Variants in LRP6 observed in about 807,000 individuals in gnomAD.
LRP6 encodes the protein low-density lipoprotein receptor-related protein 6.
In LRP6, 43 loss-of-function variants were observed where a neutral mutation model predicts 184.1. That is an observed-to-expected ratio of 0.23 (90% CI 0.18 to 0.30). LRP6 has a LOEUF of 0.30. Ranked by LOEUF, LRP6 falls within the 10% of genes least tolerant of loss-of-function variation. The probability of loss-of-function intolerance (pLI) is 1.00; values close to 1 mark genes in which losing one functional copy is unlikely to be tolerated. For missense variants in LRP6, 1,571 were observed against 2,005.3 expected (o/e 0.78, Z 4.14); for synonymous variants, 719 against 684.9 (o/e 1.05, Z -0.78).
intron 15 of LRP6, among the ~76,000 whole-genome samples, chr12:12,142,754 G>T (rs886314975): frequency 7.2e-5 from 11 of 151,812 alleles, no homozygotes; most frequent in African/African-American, 1.5e-4. Context: ...ATAAAAAAAA[G>T]AATAATATAT....
chr12:12,232,927 AT>A (rs1864829906), intron 2 of LRP6, among the ~76,000 whole-genome samples: 1 of 152,208 alleles, frequency 6.6e-6, no homozygotes, highest in Non-Finnish European at 1.5e-5. Flanking sequence ...CAAAAACCAA[AT>A]ATTATAACAA....
rs563865505 is a variant in LRP6 at position 12,186,139 on chromosome 12, G to A, written c.844+784C>T. On this transcript the variant is annotated intron_variant, in intron 4 of 22. Coordinates refer to ENST00000261349, the MANE Select transcript of LRP6 (RefSeq NM_002336.3). ...TGGGATTACAGGCATGAGCCACCGC[G>A]CCTGGCCCAAGAGTTTGTTTTTTAA... is the stretch of plus-strand genomic sequence containing the variant. Among the ~76,000 whole-genome samples the A allele has an allele frequency of 3.9e-4, 60 of 152,122 alleles. No individual in the cohort carries two copies. The South Asian group carries it at 0.012, about 30-fold the overall frequency.
At chr12:12,224,496 C>G (rs1864564947) in intron 2 of LRP6, among the ~76,000 whole-genome samples, 1 of 151,914 alleles carries the variant, frequency 6.6e-6, no homozygotes, top group Non-Finnish European at 1.5e-5. Context: ...GTTGTCTGCT[C>G]ATGATTAGGC....
chr12:12,227,736 G>C (rs1864667726), intron 2 of LRP6, among the ~76,000 whole-genome samples: 1 of 152,056 alleles, frequency 6.6e-6, no homozygotes, highest in Non-Finnish European at 1.5e-5. Context: ...GAGCTAACAG[G>C]TAACAGTTTG....
chr12:12,215,396 T>C (rs796927118), intron 2 of LRP6, among the ~76,000 whole-genome samples: 13 of 152,256 alleles, frequency 8.5e-5, no homozygotes, highest in African/African-American at 2.9e-4. Flanking sequence ...ACTAATGGCC[T>C]TAATCAGTAA....
At chr12:12,169,643 G>A (rs188120798) in intron 7 of LRP6, among the ~76,000 whole-genome samples, 3 of 152,274 alleles carry the variant, frequency 2.0e-5, no homozygotes, top group African/African-American at 7.2e-5. Flanking sequence ...GCACAGTGGC[G>A]AAGAACTCAA....
intron 5 of LRP6, among the ~76,000 whole-genome samples, chr12:12,183,591 T>C (rs543281960): frequency 2.6e-5 from 4 of 152,354 alleles, no homozygotes; most frequent in African/African-American, 7.2e-5. Flanking sequence ...CATGATATTC[T>C]TTGTAGCTAA....
chr12:12,152,949 C>T (rs947702775), intron 12 of LRP6, among the ~76,000 whole-genome samples: 1 of 152,294 alleles, frequency 6.6e-6, no homozygotes, highest in South Asian at 2.1e-4. Context: ...TAGTTAAAAA[C>T]CCACACTCAG....
Position 12,162,289 on chromosome 12 carries a change from C to T in LRP6, c.2183G>A (p.Arg728Gln). Reference sequence around the variant, plus strand: ...CCCATCCAACTTTGACACCTCAATTCGATTCGTTCCTGTGTCTGCCCAGTA... The same window carrying T: ...CCCATCCAACTTTGACACCTCAATTTGATTCGTTCCTGTGTCTGCCCAGTA... ...NLYWADTGTN[R>Q]IEVSKLDGQH... The change falls in exon 10 of 23, where the codon CGA (arginine) becomes CAA (glutamine). Residue 728 changes from arginine (R) to glutamine (Q), a missense_variant. This residue lies in a region of LRP6 where 158 missense variants were observed against 258.4 expected (regional missense o/e 0.61). Transcript: ENST00000261349. 1.2e-6 allele frequency: 2 copies of T among 1,614,156 alleles called. No homozygotes were observed. The highest frequency in any genetic ancestry group is 1.7e-5 in the Admixed American group (1 of 60,024).
chr12:12,165,268 G>T lies in LRP6; in HGVS notation c.1573C>A (p.Arg525=). 6.2e-7 allele frequency: 1 copy of T among 1,613,354 alleles called. No individual in the cohort carries two copies. The highest frequency in any genetic ancestry group is 8.5e-7 in the Non-Finnish European group (1 of 1,179,436). Residue 525 remains arginine, a synonymous_variant, in exon 8 of 23, where the codon CGA becomes AGA. Coordinates refer to ENST00000261349, the MANE Select transcript of LRP6 (RefSeq NM_002336.3). ...EVMNTDGTGR[R]VLVEDKIPHI... is the part of the protein sequence containing the mutation. Reference sequence around the variant, plus strand: ...GGAATTTTGTCTTCCACTAGTACTCGTCTCCCAGTGCCATCAGTATTCATA... The same window carrying T: ...GGAATTTTGTCTTCCACTAGTACTCTTCTCCCAGTGCCATCAGTATTCATA...
At chr12:12,129,904 C>G (rs898257452) in intron 19 of LRP6, among the ~76,000 whole-genome samples, 4 of 152,136 alleles carry the variant, frequency 2.6e-5, no homozygotes, top group Non-Finnish European at 5.9e-5. Flanking sequence ...TCAAGTCCAT[C>G]TTTGTCCCTA....
rs916767348 is a variant in LRP6 at position 12,191,953 on chromosome 12, T to C, written c.648-4834A>G. On this transcript the variant is annotated intron_variant, in intron 3 of 22. Coordinates refer to ENST00000261349, the MANE Select transcript of LRP6 (RefSeq NM_002336.3). ...ACTGGAACAAGGAAATGACTCCAGATGGTAACTTGAACCCTCAGGAAAAAT... is the reference window on the plus strand; with the variant it reads ...ACTGGAACAAGGAAATGACTCCAGACGGTAACTTGAACCCTCAGGAAAAAT... Among the ~76,000 whole-genome samples the C allele has an allele frequency of 2.2e-4, 33 of 152,122 alleles. 1 individual carries two copies. The highest frequency in any genetic ancestry group is 8.8e-5 in the Non-Finnish European group (6 of 67,952).
At chr12:12,202,651 G>A (rs1056926989) in intron 3 of LRP6, among the ~76,000 whole-genome samples, 8 of 152,204 alleles carry the variant, frequency 5.3e-5, no homozygotes, top group African/African-American at 1.4e-4. Flanking sequence ...TAGTTGAACC[G>A]GAGATCATAA....
intron 20 of LRP6, among the ~76,000 whole-genome samples, chr12:12,126,061 C>A (rs1949667836): frequency 6.6e-6 from 1 of 152,126 alleles, no homozygotes; most frequent in Admixed American, 6.5e-5. Context: ...TTGCAAGGCA[C>A]CGCCTTCTCC....
At chr12:12,252,066 G>A (rs529981667) in intron 1 of LRP6, among the ~76,000 whole-genome samples, 1 of 152,204 alleles carries the variant, frequency 6.6e-6, no homozygotes, top group East Asian at 1.9e-4. Flanking sequence ...GCTAATTTCT[G>A]TAGAGACAGG....
chr12:12,242,870 G>A (rs1307940633), intron 2 of LRP6, among the ~76,000 whole-genome samples: 1 of 150,756 alleles, frequency 6.6e-6, no homozygotes, highest in Non-Finnish European at 1.5e-5. Context: ...TCTACAACAT[G>A]GCATCCTGTT....
intron 2 of LRP6, among the ~76,000 whole-genome samples, chr12:12,234,746 G>A (rs902111671): frequency 1.3e-4 from 19 of 151,746 alleles, no homozygotes; most frequent in Admixed American, 6.6e-4. Flanking sequence ...CAGGAGAATC[G>A]CTTGAACCCA....
At chr12:12,225,474 G>A (rs1370475062) in intron 2 of LRP6, among the ~76,000 whole-genome samples, 1 of 152,100 alleles carries the variant, frequency 6.6e-6, no homozygotes. Flanking sequence ...AACCTAAATT[G>A]CGATTGATGA....
intron 2 of LRP6, among the ~76,000 whole-genome samples, chr12:12,236,222 G>A (rs1476381817): frequency 1.3e-5 from 2 of 151,154 alleles, no homozygotes; most frequent in Non-Finnish European, 1.5e-5. Flanking sequence ...GCAAAACTCC[G>A]TCTCAAAATA....
Sources: allele counts gnomAD v4.1 joint callset (sites outside exome capture counted in the v4.1 genomes callset), GRCh38; gene constraint gnomAD v4.1.1; regional missense constraint gnomAD v4.1.1; transcripts MANE v1.5; gene names NCBI Gene and HGNC (gene_info 2026-07-23, HGNC 2026-07-21).